ASIC2: variants seen among roughly 807,000 people sequenced by gnomAD.
ASIC2 encodes the protein acid sensing ion channel subunit 2.
Under a neutral mutation model 57.3 loss-of-function variants are expected in ASIC2, and 25 were observed. The ratio of observed to expected loss-of-function variants is 0.44; its 90% CI spans 0.32 to 0.61. ASIC2 has a LOEUF of 0.61. Ranked by LOEUF, ASIC2 falls within the 20% of genes least tolerant of loss-of-function variation. The pLI, the probability that ASIC2 is intolerant of heterozygous loss-of-function variation, is 0.06. For missense variants in ASIC2, 641 were observed against 738.1 expected (o/e 0.87, Z 1.52); for synonymous variants, 319 against 307.5 (o/e 1.04, Z -0.39).
chr17:33,021,719 T>C (rs900557837), intron 6 of ASIC2, among the ~76,000 whole-genome samples: 3 of 152,196 alleles, frequency 2.0e-5, no homozygotes, highest in African/African-American at 7.2e-5. Flanking sequence ...CCCTGCCCAC[T>C]CCTGAGGCCC....
chr17:33,438,391 G>T (rs1911702831), intron 1 of ASIC2, among the ~76,000 whole-genome samples: 1 of 152,220 alleles, frequency 6.6e-6, no homozygotes, highest in African/African-American at 2.4e-5. Context: ...GGAGGGCCAT[G>T]ATGTGCATAA....
chr17:33,470,078 ACT>A (rs1360600715), intron 1 of ASIC2, among the ~76,000 whole-genome samples: 1 of 152,114 alleles, frequency 6.6e-6, no homozygotes, highest in Non-Finnish European at 1.5e-5. Flanking sequence ...AGCTGCAGAG[ACT>A]CAGAGCTGGG....
chr17:33,588,775 A>G (rs1432032055), intron 1 of ASIC2, among the ~76,000 whole-genome samples: 4 of 152,310 alleles, frequency 2.6e-5, no homozygotes, highest in Middle Eastern at 3.4e-3. Flanking sequence ...TTTGAGCCTG[A>G]AGGAAGATTC....
At chr17:33,638,422 T>A (rs759746378) in intron 1 of ASIC2, among the ~76,000 whole-genome samples, 8 of 152,224 alleles carry the variant, frequency 5.3e-5, no homozygotes, top group Non-Finnish European at 1.0e-4. Flanking sequence ...GCTAGATTTA[T>A]CTCACTGTCA....
At chr17:33,211,207 G>C (rs1464292999) in intron 1 of ASIC2, among the ~76,000 whole-genome samples, 1 of 152,178 alleles carries the variant, frequency 6.6e-6, no homozygotes, top group Non-Finnish European at 1.5e-5. Flanking sequence ...GGTTTGTGGA[G>C]AGAGTAGTTA....
At chr17:33,163,038 G>C (rs771991100) in intron 1 of ASIC2, among the ~76,000 whole-genome samples, 23 of 152,202 alleles carry the variant, frequency 1.5e-4, no homozygotes, top group Non-Finnish European at 2.8e-4. Context: ...TTGGGACAAA[G>C]AAGCAAGTCA....
chr17:34,056,895 C>A (rs2142057711), intron 1 of ASIC2, among the ~76,000 whole-genome samples: 1 of 152,304 alleles, frequency 6.6e-6, no homozygotes, highest in Non-Finnish European at 1.5e-5. Flanking sequence ...CGTGTGAAAA[C>A]ACAGTTCAAA....
Position 33,299,588 on chromosome 17 carries a change from G to T in ASIC2, c.556-187521C>A, listed in dbSNP as rs550770058. On this transcript the variant is annotated intron_variant, in intron 1 of 9. Transcript: ENST00000359872. ...TCACCTAATTCTCTCTTTTTCTGGG[G>T]TCTTTTTTAGATGCACCAAGTGGTT... 8.0e-4 allele frequency among the ~76,000 whole-genome samples: 122 copies of T among 152,022 alleles called. No homozygotes were observed. The Middle Eastern group carries it at 0.014, about 17-fold the overall frequency.
At chr17:33,257,717 C>G (rs974037978) in intron 1 of ASIC2, among the ~76,000 whole-genome samples, 1 of 152,196 alleles carries the variant, frequency 6.6e-6, no homozygotes, top group African/African-American at 2.4e-5. Context: ...TGTGTGGTAT[C>G]AAGGTCCTGT....
chr17:34,054,868 C>A (rs147104743), intron 1 of ASIC2, among the ~76,000 whole-genome samples: 1 of 152,182 alleles, frequency 6.6e-6, no homozygotes, highest in East Asian at 1.9e-4. Flanking sequence ...CATAGTCTGT[C>A]TTCTAGTGAG....
chr17:33,091,346 G>C (rs2092156876), intron 2 of ASIC2, among the ~76,000 whole-genome samples: 1 of 152,216 alleles, frequency 6.6e-6, no homozygotes, highest in Non-Finnish European at 1.5e-5. Flanking sequence ...GGGCTGTTGG[G>C]ATGACAGGGA....
At chr17:33,993,483 C>A (rs1906062824) in intron 1 of ASIC2, among the ~76,000 whole-genome samples, 1 of 152,200 alleles carries the variant, frequency 6.6e-6, no homozygotes, top group Non-Finnish European at 1.5e-5. Flanking sequence ...AGGACCAGCA[C>A]AAATACTGCC....
rs78527581 is a variant in ASIC2 at position 33,333,002 on chromosome 17, T to A, written c.556-220935A>T. ...ATTTTTCTGGCCTTCCAGGTGCCAA[T>A]CTATCTTGTAATCTATATGTAGCAT... On this transcript the variant is annotated intron_variant, in intron 1 of 9. Coordinates refer to the ASIC2 transcript ENST00000359872. Among the ~76,000 whole-genome samples the A allele has an allele frequency of 1.9e-3, 288 of 152,326 alleles. 5 individuals are homozygous for A. The East Asian group carries it at 0.05, about 26-fold the overall frequency.
At chr17:34,054,286 A>G (rs1386496830) in intron 1 of ASIC2, among the ~76,000 whole-genome samples, 2 of 152,174 alleles carry the variant, frequency 1.3e-5, no homozygotes, top group South Asian at 2.1e-4. Context: ...ATGAGCTACA[A>G]TATCATTTTA....
At chr17:33,259,893 C>G (rs914367821) in intron 1 of ASIC2, among the ~76,000 whole-genome samples, 1 of 152,232 alleles carries the variant, frequency 6.6e-6, no homozygotes, top group East Asian at 1.9e-4. Context: ...AATGAGTTCC[C>G]AGGGGATGCT....
At chr17:33,366,716 G>A (rs932013047) in intron 1 of ASIC2, among the ~76,000 whole-genome samples, 1 of 152,202 alleles carries the variant, frequency 6.6e-6, no homozygotes, top group Non-Finnish European at 1.5e-5. Flanking sequence ...GCATAGCAGA[G>A]TGAAATAGTC....
At chr17:33,874,200 C>A (rs576258335) in intron 1 of ASIC2, among the ~76,000 whole-genome samples, 1 of 152,238 alleles carries the variant, frequency 6.6e-6, no homozygotes, top group South Asian at 2.1e-4. Context: ...CTGGCTGGGC[C>A]CCCTTGGCTC....
At chr17:33,426,156 C>T (rs1323261777) in intron 1 of ASIC2, among the ~76,000 whole-genome samples, 1 of 152,170 alleles carries the variant, frequency 6.6e-6, no homozygotes, top group Non-Finnish European at 1.5e-5. Flanking sequence ...TGTTGTTTTG[C>T]TGTGCTGGAC....
chr17:33,916,460 A>G (rs1281694242), intron 1 of ASIC2, among the ~76,000 whole-genome samples: 1 of 152,188 alleles, frequency 6.6e-6, no homozygotes, highest in Non-Finnish European at 1.5e-5. Context: ...GAATCCCTGA[A>G]TCATGCCACA....
Sources: gnomAD v4.1 joint callset for allele counts (sites outside exome capture counted in the v4.1 genomes callset) on GRCh38, gnomAD v4.1.1 for gene constraint, MANE v1.5 for transcripts, NCBI Gene and HGNC (gene_info 2026-07-23, HGNC 2026-07-21) for gene names.